The following TMC7 variants were observed in gnomAD, a reference collection of about 807,000 sequenced individuals.
TMC7 encodes transmembrane channel-like protein 7.
Under a neutral mutation model 82.9 loss-of-function variants are expected in TMC7, and 54 were observed. The observed-to-expected ratio is 0.65, with a 90% CI of 0.52 to 0.82. TMC7 has a LOEUF of 0.82. Among genes scored for constraint, TMC7 ranks in the 40% least tolerant of loss-of-function variants. The pLI is 0.00. For missense variants in TMC7, 820 were observed against 901.2 expected, an observed-to-expected ratio of 0.91 and a Z score of 1.15; for synonymous variants, 350 against 337.9, an observed-to-expected ratio of 1.04 and a Z score of -0.39.
chr16:19,019,203 A>C (rs1223221575), intron 3 of TMC7, among the ~76,000 whole-genome samples: 1 of 152,214 alleles, frequency 6.6e-6, no homozygotes, highest in East Asian at 1.9e-4. Context: ...CAAAACTGCT[A>C]AAATGGAAAC....
At chr16:19,048,069 A>G (rs1170779597) in intron 12 of TMC7, among the ~76,000 whole-genome samples, 1 of 150,464 alleles carries the variant, frequency 6.6e-6, no homozygotes, top group African/African-American at 2.5e-5. Flanking sequence ...TTAAGGCTGG[A>G]TGTATTTTGT....
In TMC7 at chr16:19,056,597, G is replaced by A. The variant is rs1368026555; in HGVS notation, c.1927G>A (p.Val643Ile). The change falls in exon 14 of 16, where the codon GTC becomes ATC. Residue 643 changes from valine to isoleucine, a missense_variant. Coordinates refer to ENST00000304381, the MANE Select transcript of TMC7 (RefSeq NM_024847.4). ...CACCAACTTCAACACCACCTGGGAG[G>A]TCATCCCCAAGACGGTGAGCACCTT... ...PFTNFNTTWE[V>I]IPKTVSTFPS... is the part of the protein sequence containing the mutation. The A allele has an allele frequency of 6.2e-7, 1 of 1,614,064 alleles. No homozygotes were observed. The highest frequency in any genetic ancestry group is 8.5e-7 in the Non-Finnish European group (1 of 1,180,022).
At chr16:19,002,909 T>A (rs2039167079) in intron 1 of TMC7, among the ~76,000 whole-genome samples, 1 of 152,232 alleles carries the variant, frequency 6.6e-6, no homozygotes, top group Non-Finnish European at 1.5e-5. Flanking sequence ...GAGATGATCT[T>A]ATTCTTTAAG....
In TMC7 at chr16:19,009,293, C is replaced by G. The variant is rs148785871; in HGVS notation, c.189C>G (p.Ser63Arg). 1.9e-6 allele frequency: 3 copies of G among 1,614,186 alleles called. No homozygotes were observed. The highest frequency in any genetic ancestry group is 2.2e-5 in the South Asian group (2 of 91,084). ...RTTVHSRDKQ[S>R]GTLLKPTDSY... is the part of the protein sequence containing the mutation. ...CTGTCCATTCCCGGGACAAGCAAAG[C>G]GGAACTTTGCTAAAGCCAACCGACT... Residue 63 changes from serine to arginine, a missense_variant, in exon 2 of 16, where the codon AGC becomes AGG. Ser to Arg is a moderately radical substitution (Grantham distance 110). Coordinates refer to ENST00000304381, the MANE Select transcript of TMC7 (RefSeq NM_024847.4).
chr16:19,028,209 G>GGTGTTTGAGGT (rs1301444168), intron 5 of TMC7, among the ~76,000 whole-genome samples: 2 of 152,050 alleles, frequency 1.3e-5, no homozygotes, highest in African/African-American at 4.8e-5. Context: ...CATCCAAGGA[G>GGTGTTTGAGGT]GTGTTTGAGG....
At chr16:19,019,157 T>C (rs567144826) in intron 3 of TMC7, among the ~76,000 whole-genome samples, 1 of 152,342 alleles carries the variant, frequency 6.6e-6, no homozygotes, top group South Asian at 2.1e-4. Context: ...GCCAGGATTA[T>C]CTATTTTACA....
intron 5 of TMC7, among the ~76,000 whole-genome samples, chr16:19,024,827 A>G (rs1960146482): frequency 6.6e-6 from 1 of 151,966 alleles, no homozygotes; most frequent in Non-Finnish European, 1.5e-5. Context: ...TAACACGGTA[A>G]AACCCCATCT....
chr16:18,991,429 T>G (rs1357008708), intron 1 of TMC7, among the ~76,000 whole-genome samples: 2 of 152,160 alleles, frequency 1.3e-5, no homozygotes, highest in African/African-American at 4.8e-5. Context: ...TATGTTGTCA[T>G]ATACCAGGCC....
chr16:18,989,787 G>C (rs2038916047), intron 1 of TMC7, among the ~76,000 whole-genome samples: 1 of 151,712 alleles, frequency 6.6e-6, no homozygotes, highest in African/African-American at 2.4e-5. Context: ...CTGCTCAGGT[G>C]GGGTGGTCCA....
At position 19,061,856 on chromosome 16, in the gene TMC7, T is replaced by G. The variant is rs765405446; in HGVS notation, c.*13T>G. On this transcript the variant is annotated 3_prime_UTR_variant, in exon 16 of 16. Transcript: ENST00000304381. Reference sequence around the variant, plus strand: ...CATGAGGAACTAACTAGACTGAGCGTGAAGATGGTGCTGCCTGTTGCTTCT... The same window carrying G: ...CATGAGGAACTAACTAGACTGAGCGGGAAGATGGTGCTGCCTGTTGCTTCT... 16 of 1,611,764 alleles carry G rather than the reference T, an allele frequency of 9.9e-6. No homozygotes were observed. Among genetic ancestry groups the G allele is most frequent in the African/African-American group, 5.3e-5 (4 of 74,866 alleles).
intron 1 of TMC7, among the ~76,000 whole-genome samples, chr16:18,987,977 G>A (rs1177344231): frequency 2.6e-5 from 4 of 152,162 alleles, no homozygotes; most frequent in Non-Finnish European, 5.9e-5. Context: ...AGCCCCTGGA[G>A]CTGCGCTTGT....
In TMC7 at chr16:18,997,729, CTTT is replaced by C. The variant is rs60256405; in HGVS notation, c.68-11427_68-11425del. Among the ~76,000 whole-genome samples, 72 of 119,452 alleles carry C rather than the reference CTTT, an allele frequency of 6.0e-4. No homozygotes were observed. In the Middle Eastern group the frequency reaches 0.015, roughly 24 times the overall value. The allele number at this position is 119,452 out of a possible 152,430, so 78.4% of individuals were successfully genotyped here. A position where few individuals can be genotyped will look rare whatever the true frequency, so the allele number is the denominator to read the frequency against. On this transcript the variant is annotated intron_variant, in intron 1 of 15. Transcript: ENST00000304381. ...AAACAACTCCTGTGCCAAATCCAGC[CTTT>C]TTTTTTTTTTTTTTTGAGATGGAGT...
chr16:19,053,337 TTA>T (rs1238872529), intron 13 of TMC7, among the ~76,000 whole-genome samples: 1 of 152,106 alleles, frequency 6.6e-6, no homozygotes, highest in Non-Finnish European at 1.5e-5. Context: ...CCAGTTAGTT[TTA>T]TATTGTATCC....
At chr16:19,017,905 C>A (rs1226720623) in intron 3 of TMC7, among the ~76,000 whole-genome samples, 1 of 152,130 alleles carries the variant, frequency 6.6e-6, no homozygotes, top group Admixed American at 6.6e-5. Flanking sequence ...CTCCTGACCT[C>A]GTCATCCGCC....
At chr16:19,024,557 T>A (rs532844015) in intron 5 of TMC7, among the ~76,000 whole-genome samples, 43 of 152,302 alleles carry the variant, frequency 2.8e-4, no homozygotes, top group South Asian at 1.7e-3. Flanking sequence ...TCTTTTTTTT[T>A]ATTTATTTTT....
chr16:19,035,894 C>T, intron 7 of TMC7, 71 bp downstream of exon 7: 1 of 1,502,168 alleles, frequency 6.7e-7, no homozygotes, highest in Non-Finnish European at 8.9e-7. Context: ...CCTGAGTTTT[C>T]AGCTTGCAGA....
chr16:19,037,833 T>C (rs1960826085), intron 7 of TMC7, 41 bp from the exon 8 acceptor site: 2 of 1,586,988 alleles, frequency 1.3e-6, no homozygotes, highest in Non-Finnish European at 1.7e-6. Flanking sequence ...TGAGTATCCC[T>C]TCATCCCACT....
intron 1 of TMC7, among the ~76,000 whole-genome samples, chr16:18,986,890 C>T (rs1450063170): frequency 9.3e-5 from 14 of 151,054 alleles, no homozygotes; most frequent in Admixed American, 6.6e-4. Flanking sequence ...CTGCAAGCTC[C>T]GTCTCCCGGG....
At chr16:19,027,762 T>C (rs752829186) in intron 5 of TMC7, among the ~76,000 whole-genome samples, 7 of 152,164 alleles carry the variant, frequency 4.6e-5, no homozygotes, top group Non-Finnish European at 1.0e-4. Flanking sequence ...ATTACCCAGA[T>C]AATATAAGAA....
Sources: allele counts gnomAD v4.1 joint callset (sites outside exome capture counted in the v4.1 genomes callset), GRCh38; gene constraint gnomAD v4.1.1; transcripts MANE v1.5; gene names NCBI Gene and HGNC (gene_info 2026-07-23, HGNC 2026-07-21).